ROBO2: variants seen among roughly 807,000 people sequenced by gnomAD.
The protein encoded by ROBO2 is roundabout guidance receptor 2.
ROBO2 carries 53 observed loss-of-function variants against 160.8 expected under a neutral mutation model. The ratio of observed to expected loss-of-function variants is 0.33; its 90% CI spans 0.26 to 0.41. The LOEUF is 0.41. ROBO2 is among the 10% of genes least tolerant of loss of function. The pLI is 1.00. For missense variants in ROBO2, 1,577 were observed against 1,722.4 expected, an observed-to-expected ratio of 0.92 and a Z score of 1.49; for synonymous variants, 664 against 611.7, an observed-to-expected ratio of 1.09 and a Z score of -1.26.
chr3:77,005,607 G>A (rs1001459692), intron 2 of ROBO2, among the ~76,000 whole-genome samples: 3 of 151,778 alleles, frequency 2.0e-5, no homozygotes, highest in Non-Finnish European at 4.4e-5. Flanking sequence ...ACTTTATGGA[G>A]TACAGGGAAC....
intron 2 of ROBO2, among the ~76,000 whole-genome samples, chr3:76,194,347 TGTGTAA>T: frequency 1.4e-5 from 1 of 70,284 alleles, no homozygotes; most frequent in African/African-American, 6.4e-5. Flanking sequence ...ATATGTATGG[TGTGTAA>T]ATATATATAT....
chr3:76,287,258 C>G (rs995359721), intron 2 of ROBO2, among the ~76,000 whole-genome samples: 73 of 151,776 alleles, frequency 4.8e-4, no homozygotes, highest in Non-Finnish European at 1.5e-4. Context: ...TCATAAGACA[C>G]ATTTTCACTT....
chr3:76,007,504 G>T (rs925783814), intron 2 of ROBO2, among the ~76,000 whole-genome samples: 1 of 151,952 alleles, frequency 6.6e-6, no homozygotes, highest in African/African-American at 2.4e-5. Flanking sequence ...ATTTTGAGTA[G>T]ATAAAAAGCA....
chr3:76,730,171 CTT>C (rs2093613082), intron 2 of ROBO2, among the ~76,000 whole-genome samples: 1 of 151,354 alleles, frequency 6.6e-6, no homozygotes. Context: ...CCCCAACCCA[CTT>C]TTCCTCACCT....
chr3:76,269,162 G>T (rs935531538), intron 2 of ROBO2, among the ~76,000 whole-genome samples: 1 of 152,030 alleles, frequency 6.6e-6, no homozygotes, highest in South Asian at 2.1e-4. Flanking sequence ...CTAAAAGAGT[G>T]TAATTGAAAT....
chr3:76,121,156 C>T (rs146860316), intron 2 of ROBO2, among the ~76,000 whole-genome samples: 1 of 152,190 alleles, frequency 6.6e-6, no homozygotes, highest in East Asian at 1.9e-4. Context: ...AAGGGTCATG[C>T]ATACCATTTA....
At chr3:76,802,714 C>T (rs1457096192) in intron 2 of ROBO2, among the ~76,000 whole-genome samples, 9 of 136,448 alleles carry the variant, frequency 6.6e-5, no homozygotes, top group Non-Finnish European at 1.4e-4. Flanking sequence ...GGCGACAGAG[C>T]GAGACTCCGT....
chr3:76,647,501 A>C (rs2091034561), intron 2 of ROBO2, among the ~76,000 whole-genome samples: 1 of 152,230 alleles, frequency 6.6e-6, no homozygotes, highest in South Asian at 2.1e-4. Context: ...ATCTGGACAA[A>C]AGTAAAAGAA....
chr3:77,542,294 C>CT (rs1324034791), intron 6 of ROBO2, among the ~76,000 whole-genome samples: 1 of 124,578 alleles, frequency 8.0e-6, no homozygotes, highest in Non-Finnish European at 1.8e-5. Context: ...TTTGGTCCAC[C>CT]TTCAGGTGAT....
At chr3:77,125,211 A>C (rs183157052) in intron 2 of ROBO2, among the ~76,000 whole-genome samples, 1 of 152,272 alleles carries the variant, frequency 6.6e-6, no homozygotes, top group African/African-American at 2.4e-5. Flanking sequence ...AAACCATATT[A>C]ACTATAATAG....
chr3:76,529,707 G>C (rs112341233), intron 2 of ROBO2, among the ~76,000 whole-genome samples: 1 of 152,040 alleles, frequency 6.6e-6, no homozygotes, highest in African/African-American at 2.4e-5. Flanking sequence ...ACTTGATCTT[G>C]ATAATTTAAG....
At chr3:76,321,919 T>A (rs2107893253) in intron 2 of ROBO2, among the ~76,000 whole-genome samples, 1 of 152,068 alleles carries the variant, frequency 6.6e-6, no homozygotes, top group African/African-American at 2.4e-5. Flanking sequence ...CAAGATTTAC[T>A]TTTTGATATC....
intron 2 of ROBO2, among the ~76,000 whole-genome samples, chr3:77,379,281 C>T (rs893496171): frequency 6.6e-6 from 1 of 152,122 alleles, no homozygotes; most frequent in Non-Finnish European, 1.5e-5. Flanking sequence ...AGTTAAGGTA[C>T]TTACCAATAC....
intron 1 of ROBO2, among the ~76,000 whole-genome samples, chr3:77,058,144 C>G (rs561595340): frequency 6.6e-6 from 1 of 152,164 alleles, no homozygotes; most frequent in African/African-American, 2.4e-5. Context: ...CAAAGTTCTT[C>G]AAAGTCTTTC....
At chr3:76,859,161 A>G (rs1282064792) in intron 2 of ROBO2, among the ~76,000 whole-genome samples, 2 of 152,162 alleles carry the variant, frequency 1.3e-5, no homozygotes, top group Non-Finnish European at 2.9e-5. Context: ...CCAGAGGGAG[A>G]GCAAAAGAAG....
intron 2 of ROBO2, among the ~76,000 whole-genome samples, chr3:76,510,338 A>G (rs3913571): frequency 0.64 from 97,314 of 152,090 alleles, 31,387 homozygotes; most frequent in African/African-American, 0.71. Context: ...TCTTATAGAA[A>G]AGCATGGCGT....
chr3:76,470,924 G>A (rs2078620953), intron 2 of ROBO2, among the ~76,000 whole-genome samples: 1 of 152,000 alleles, frequency 6.6e-6, no homozygotes, highest in Non-Finnish European at 1.5e-5. Flanking sequence ...CATGCATTTA[G>A]TTTCCTGAGT....
intron 2 of ROBO2, among the ~76,000 whole-genome samples, chr3:77,207,824 G>A (rs1008015375): frequency 6.6e-5 from 10 of 152,176 alleles, no homozygotes; most frequent in African/African-American, 2.4e-4. Flanking sequence ...ACTACTTTGA[G>A]TGAAGTCTAT....
At chr3:77,073,512 T>G (rs1346462123) in intron 1 of ROBO2, among the ~76,000 whole-genome samples, 1 of 152,188 alleles carries the variant, frequency 6.6e-6, no homozygotes, top group Non-Finnish European at 1.5e-5. Flanking sequence ...ATATGATTAA[T>G]TTGAAGGTAA....
Sources: gnomAD v4.1 joint callset for allele counts (sites outside exome capture counted in the v4.1 genomes callset) on GRCh38, gnomAD v4.1.1 for gene constraint, MANE v1.5 for transcripts, NCBI Gene and HGNC (gene_info 2026-07-23, HGNC 2026-07-21) for gene names.